Variants in TEX11 observed in about 807,000 individuals in gnomAD.
TEX11 encodes testis expressed 11, also known as testis-expressed protein 11.
Under a neutral mutation model 84.4 loss-of-function variants are expected in TEX11, and 7 were observed. The ratio of observed to expected loss-of-function variants is 0.08; its 90% CI spans 0.05 to 0.16. The LOEUF is 0.16. TEX11 is among the 10% of genes least tolerant of loss of function. The pLI is 1.00. For missense variants in TEX11, 551 were observed against 660.5 expected (o/e 0.83, Z 1.82); for synonymous variants, 264 against 222.8 (o/e 1.18, Z -1.64).
At chrX:70,545,062 G>C (rs1017247842) in intron 28 of TEX11, among the ~76,000 whole-genome samples, 1 of 108,441 alleles carries the variant, frequency 9.2e-6, no homozygotes, top group Non-Finnish European at 1.9e-5. Flanking sequence ...AAAATTAGCC[G>C]GGTGTGGTGG....
At chrX:70,718,080 G>T (rs1447115268) in intron 13 of TEX11, among the ~76,000 whole-genome samples, 1 of 111,567 alleles carries the variant, frequency 9.0e-6, no homozygotes, top group East Asian at 2.8e-4. Context: ...GGAAATTCGG[G>T]TACCGTATCA....
At chrX:70,753,017 CGA>C (rs1007138401) in intron 9 of TEX11, among the ~76,000 whole-genome samples, 4 of 110,239 alleles carry the variant, frequency 3.6e-5, no homozygotes, top group Admixed American at 2.9e-4. Flanking sequence ...TAAACCAGCC[CGA>C]GTCAGAATGG....
At chrX:70,577,051 C>T (rs2088683260) in intron 25 of TEX11, among the ~76,000 whole-genome samples, 1 of 111,520 alleles carries the variant, frequency 9.0e-6, no homozygotes, top group African/African-American at 3.3e-5. Flanking sequence ...GATGTAGAGC[C>T]TACAAGAACT....
chrX:70,713,840 C>A (rs758380527), intron 13 of TEX11, among the ~76,000 whole-genome samples: 73 of 111,059 alleles, frequency 6.6e-4, no homozygotes, highest in Non-Finnish European at 1.2e-3. Flanking sequence ...TTAGCTTTTG[C>A]ATGTGTTTGC....
chrX:70,849,718 A>G (rs1175630423), intron 7 of TEX11, among the ~76,000 whole-genome samples: 1 of 112,152 alleles, frequency 8.9e-6, no homozygotes, highest in Non-Finnish European at 1.9e-5. Context: ...TTAGAGCAAA[A>G]GGAATTAGCC....
intron 9 of TEX11, among the ~76,000 whole-genome samples, chrX:70,798,035 GA>G (rs397952104): frequency 9.7e-6 from 1 of 102,873 alleles, no homozygotes; most frequent in African/African-American, 3.5e-5. Context: ...GAGGGGGGGG[GA>G]AAGGCATTCA....
At chrX:70,875,584 C>CA (rs34342977) in intron 3 of TEX11, among the ~76,000 whole-genome samples, 8,954 of 60,035 alleles carry the variant, frequency 0.15, 728 homozygotes, top group Admixed American at 0.34. Context: ...ACTAAAAATA[C>CA]AAAAAAAAAA....
At chrX:70,529,289 G>A (rs73538738) in intron 29 of TEX11, 102 bp from the exon 30 acceptor site, 23,582 of 566,574 alleles carry the variant, frequency 0.042, 1,316 homozygotes, top group African/African-American at 0.25. Flanking sequence ...CGTTACCTTC[G>A]GAGATCTGAA....
chrX:70,678,743 G>A (rs887065352), intron 15 of TEX11, 61 bp downstream of exon 15: 51 of 915,459 alleles, frequency 5.6e-5, no homozygotes, highest in Non-Finnish European at 7.6e-5. Context: ...TTTTTATAGT[G>A]AATGCACTAT....
intron 25 of TEX11, among the ~76,000 whole-genome samples, chrX:70,576,067 TA>T (rs1271046600): frequency 2.7e-5 from 3 of 112,216 alleles, no homozygotes; most frequent in African/African-American, 9.7e-5. Context: ...CTTAGGAATT[TA>T]ATAAATACTT....
chrX:70,548,005 A>G (rs1434658880), intron 28 of TEX11, among the ~76,000 whole-genome samples: 2 of 112,152 alleles, frequency 1.8e-5, no homozygotes, highest in Non-Finnish European at 3.8e-5. Context: ...AATAGCAAAG[A>G]CTTGGAACCA....
chrX:70,810,218 T>C (rs1285363457), intron 8 of TEX11, among the ~76,000 whole-genome samples: 1 of 112,125 alleles, frequency 8.9e-6, no homozygotes, highest in Non-Finnish European at 1.9e-5. Flanking sequence ...GTTCAACCAT[T>C]GTGGAAGACA....
At chrX:70,809,084 C>A (rs1432009998) in intron 8 of TEX11, among the ~76,000 whole-genome samples, 1 of 111,587 alleles carries the variant, frequency 9.0e-6, no homozygotes, top group Non-Finnish European at 1.9e-5. Flanking sequence ...AATCTCAAAA[C>A]GATAACTGAA....
At chrX:70,572,015 T>G in intron 25 of TEX11, among the ~76,000 whole-genome samples, 1 of 111,023 alleles carries the variant, frequency 9.0e-6, no homozygotes, top group East Asian at 2.8e-4. Context: ...GGGATCTAAT[T>G]AAACTAAAGA....
At position 70,740,771 on chromosome X, in the gene TEX11, G is replaced by A. The variant is rs781457497; in HGVS notation, c.773C>T (p.Thr258Met). The change falls in exon 11 of 30, where the codon ACG becomes ATG. Residue 258 changes from threonine to methionine, a missense_variant. Physicochemically the swap from Thr to Met is moderately conservative, Grantham distance 81. Coordinates refer to ENST00000374333, the MANE Select transcript of TEX11 (RefSeq NM_031276.3). ...MLAKVLRLLA[T>M]NYLDWDDTKY... is the part of the protein sequence containing the mutation. ...GGTGTCATCCCAATCCAAATAATTC[G>A]TGGCTAATAGCCGTAGAACTTTAGC... The A allele has an allele frequency of 1.4e-5, 17 of 1,186,709 alleles. No homozygotes were observed. Among genetic ancestry groups the A allele is most frequent in the Middle Eastern group, 2.4e-4 (1 of 4,231 alleles).
At chrX:70,679,323 C>T (rs1483375697) in intron 14 of TEX11, among the ~76,000 whole-genome samples, 4 of 110,912 alleles carry the variant, frequency 3.6e-5, no homozygotes, top group Non-Finnish European at 7.6e-5. Flanking sequence ...CCTTGGCCTC[C>T]CAAAGTGCCG....
intron 16 of TEX11, among the ~76,000 whole-genome samples, chrX:70,665,514 A>T (rs2089968689): frequency 8.9e-6 from 1 of 112,167 alleles, no homozygotes; most frequent in Non-Finnish European, 1.9e-5. Context: ...ATGAAACAAC[A>T]TTGTTTAATA....
chrX:70,691,775 A>G (rs979802084), intron 13 of TEX11, among the ~76,000 whole-genome samples: 1 of 110,053 alleles, frequency 9.1e-6, no homozygotes, highest in Non-Finnish European at 1.9e-5. Context: ...ATAATAATGT[A>G]TTATATACTT....
rs901174159 is a variant in TEX11 at position 70,648,928 on chromosome X, T to C, written c.1483+2522A>G. ...TTCCCCTTCCTGTGTCCATGTGTTC[T>C]CATTGTTCATCTCCCTCTTATGAGT... On this transcript the variant is annotated intron_variant, in intron 17 of 29. Coordinates refer to ENST00000374333, the MANE Select transcript of TEX11 (RefSeq NM_031276.3). Among the ~76,000 whole-genome samples, 8 of 110,364 alleles carry C rather than the reference T, an allele frequency of 7.2e-5. No homozygotes were observed. The Admixed American group carries it at 7.7e-4, about 11-fold the overall frequency.
Sources: allele counts gnomAD v4.1 joint callset (sites outside exome capture counted in the v4.1 genomes callset), GRCh38; gene constraint gnomAD v4.1.1; transcripts MANE v1.5; gene names NCBI Gene and HGNC (gene_info 2026-07-23, HGNC 2026-07-21).